The following EEA1 variants were observed in gnomAD, a reference collection of about 807,000 sequenced individuals.
EEA1 encodes the protein early endosome antigen 1.
Under a neutral mutation model 209.2 loss-of-function variants are expected in EEA1, and 111 were observed. That is an observed-to-expected ratio of 0.53 (90% CI 0.45 to 0.62). EEA1 has a LOEUF of 0.62. Ranked by LOEUF, EEA1 falls within the 20% of genes least tolerant of loss-of-function variation. The probability of loss-of-function intolerance (pLI) is 0.00; values close to 1 mark genes in which losing one functional copy is unlikely to be tolerated. For synonymous variants in EEA1, 536 were observed against 540.6 expected, an observed-to-expected ratio of 0.99 and a Z score of 0.12; for missense variants, 1,343 against 1,530.8, an observed-to-expected ratio of 0.88 and a Z score of 2.05.
chr12:92,857,295 A>G lies in EEA1; in HGVS notation c.346T>C (p.Tyr116His). ...ATTACTTGCTGCTGCAGCCCTTGAT[A>G]TTTTTCTAATTCCTTCTTTAATTCT... is the stretch of plus-strand genomic sequence containing the variant. ...SEELKKELEK[Y>H]QGLQQQEAKP... The change falls in exon 5 of 29, where the codon TAT (tyrosine) becomes CAT (histidine). Residue 116 changes from tyrosine to histidine, a missense_variant. Around this residue, in one of 3 missense-constraint regions of EEA1, gnomAD observed 1,307 missense variants for 1,465.5 expected, o/e 0.89. Transcript: ENST00000322349. The G allele has an allele frequency of 3.8e-6, 6 of 1,588,810 alleles. No homozygotes were observed. Among genetic ancestry groups the G allele is most frequent in the Non-Finnish European group, 5.1e-6 (6 of 1,170,898 alleles).
intron 1 of EEA1, among the ~76,000 whole-genome samples, chr12:92,894,078 T>C (rs1879767688): frequency 6.6e-6 from 1 of 152,244 alleles, no homozygotes; most frequent in Admixed American, 6.5e-5. Context: ...TTTCAAGCTT[T>C]TTTATTATTA....
At chr12:92,913,060 G>A (rs538716589) in intron 1 of EEA1, among the ~76,000 whole-genome samples, 1 of 152,304 alleles carries the variant, frequency 6.6e-6, no homozygotes, top group South Asian at 2.1e-4. Context: ...TATATACCCA[G>A]TACTGGGACT....
At chr12:92,787,738 ATT>A in intron 22 of EEA1, 127 bp downstream of exon 22, 1 of 738,180 alleles carries the variant, frequency 1.4e-6, no homozygotes, top group Non-Finnish European at 1.9e-6. Context: ...CAAAATAACA[ATT>A]TAATAGAAAA....
At chr12:92,789,523 T>G (rs1233861531) in intron 21 of EEA1, among the ~76,000 whole-genome samples, 1 of 151,794 alleles carries the variant, frequency 6.6e-6, no homozygotes, top group East Asian at 1.9e-4. Flanking sequence ...TTCCTGAGAG[T>G]AGCCACGAGC....
At chr12:92,835,498 A>C in intron 10 of EEA1, 1 of 224,812 alleles carries the variant, frequency 4.4e-6, no homozygotes, top group Non-Finnish European at 8.2e-6. Context: ...TGCAAGCTCC[A>C]CCTCCCGGGT....
chr12:92,793,578 T>G (rs1178157731), intron 21 of EEA1, among the ~76,000 whole-genome samples: 1 of 152,180 alleles, frequency 6.6e-6, no homozygotes, highest in African/African-American at 2.4e-5. Flanking sequence ...TTACAAGGGA[T>G]GTGAAGGACA....
chr12:92,854,171 C>T (rs536847211), intron 5 of EEA1, among the ~76,000 whole-genome samples: 1 of 152,094 alleles, frequency 6.6e-6, no homozygotes, highest in Non-Finnish European at 1.5e-5. Context: ...TTAGTTCTAA[C>T]ATAGATTTTT....
At position 92,928,945 on chromosome 12, in the gene EEA1, A is replaced by C. The variant is rs535146355; in HGVS notation, c.24+98T>G. 12 of 1,298,564 alleles carry C rather than the reference A, an allele frequency of 9.2e-6. No individual in the cohort carries two copies. In the African/African-American group the frequency reaches 1.2e-4, roughly 13 times the overall value. The allele number at this position is 1,298,564 out of a possible 1,614,324, so 80.4% of individuals were successfully genotyped here. ...CCTGCCGGGCTGTGGGGCCTAGGGA[A>C]GGAAGGAGCCCGCGCTGAGGAGGGG... On this transcript the variant is annotated intron_variant, in intron 1 of 28. Coordinates refer to ENST00000322349, the MANE Select transcript of EEA1 (RefSeq NM_003566.4).
At chr12:92,854,700 C>T (rs1877791768) in intron 5 of EEA1, among the ~76,000 whole-genome samples, 1 of 152,186 alleles carries the variant, frequency 6.6e-6, no homozygotes, top group Admixed American at 6.5e-5. Context: ...GTCTCGGCAG[C>T]CAACACCTAC....
intron 18 of EEA1, among the ~76,000 whole-genome samples, chr12:92,805,781 T>C (rs1875175945): frequency 1.3e-5 from 2 of 152,218 alleles, no homozygotes; most frequent in South Asian, 4.1e-4. Flanking sequence ...TGGCTATATA[T>C]GTTCAGAAGC....
intron 5 of EEA1, among the ~76,000 whole-genome samples, chr12:92,855,167 C>A (rs948746356): frequency 6.6e-6 from 1 of 152,182 alleles, no homozygotes; most frequent in African/African-American, 2.4e-5. Flanking sequence ...CGGTGGCTCA[C>A]GCCTGTAATC....
chr12:92,804,638 G>A (rs1875108407), intron 18 of EEA1, among the ~76,000 whole-genome samples: 1 of 148,840 alleles, frequency 6.7e-6, no homozygotes, highest in Non-Finnish European at 1.5e-5. Context: ...TATTTGGAAA[G>A]TAAACATACT....
intron 13 of EEA1, among the ~76,000 whole-genome samples, chr12:92,820,772 T>C (rs376636693): frequency 6.6e-6 from 1 of 150,870 alleles, no homozygotes. Flanking sequence ...TATATATATA[T>C]ATACACACAC....
intron 1 of EEA1, among the ~76,000 whole-genome samples, chr12:92,927,301 T>C (rs1881250567): frequency 6.6e-6 from 1 of 152,180 alleles, no homozygotes; most frequent in Non-Finnish European, 1.5e-5. Flanking sequence ...AATTATCCAG[T>C]CACAAATGCC....
At chr12:92,884,876 A>G (rs1033623449) in intron 2 of EEA1, among the ~76,000 whole-genome samples, 1 of 151,790 alleles carries the variant, frequency 6.6e-6, no homozygotes, top group African/African-American at 2.4e-5. Context: ...CGAGGACTGT[A>G]TTTGTGACTA....
In EEA1 at chr12:92,905,435, T is replaced by G. The variant is rs1350591835; in HGVS notation, c.25-13714A>C. ...CAACATGGTGAAACCCCATCTCTAC[T>G]AAAAATACACACACACACACACACA... On this transcript the variant is annotated intron_variant, in intron 1 of 28. Transcript: ENST00000322349. The G allele has an allele frequency of 4.9e-5, 5 of 102,224 alleles. No homozygotes were observed. The East Asian group carries it at 2.9e-3, about 60-fold the overall frequency. The allele number at this position is 102,224 out of a possible 1,614,324, so 6.3% of individuals were successfully genotyped here. A position where few individuals can be genotyped will look rare whatever the true frequency, so the allele number is the denominator to read the frequency against.
rs375302640 is a variant in EEA1 at position 92,777,553 on chromosome 12, T to C, written c.4004A>G (p.Gln1335Arg). Reference protein sequence around the residue: ...AAVQELGRENQSLQIKHTQAL... With the variant: ...AAVQELGRENRSLQIKHTQAL... ...CCATAGGTGACTGACCTGAAGTGAT[T>C]GGTTTTCTCTGCCCAGCTCCTGCAC... Residue 1335 changes from glutamine (Q) to arginine (R), a missense_variant, in exon 27 of 29, where the codon CAA (glutamine) becomes CGA (arginine). Coordinates refer to ENST00000322349, the MANE Select transcript of EEA1 (RefSeq NM_003566.4). 4 of 1,611,536 alleles carry C rather than the reference T, an allele frequency of 2.5e-6. No individual in the cohort carries two copies. Among genetic ancestry groups the C allele is most frequent in the Non-Finnish European group, 3.4e-6 (4 of 1,178,426 alleles).
At chr12:92,887,834 A>G (rs1476338447) in intron 2 of EEA1, among the ~76,000 whole-genome samples, 1 of 152,146 alleles carries the variant, frequency 6.6e-6, no homozygotes, top group Non-Finnish European at 1.5e-5. Context: ...TTCAGATGGC[A>G]ATATCAGAAA....
At chr12:92,890,068 GT>G (rs1452003035) in intron 2 of EEA1, among the ~76,000 whole-genome samples, 1 of 152,234 alleles carries the variant, frequency 6.6e-6, no homozygotes, top group African/African-American at 2.4e-5. Flanking sequence ...TATTAGAGAA[GT>G]TTGGCTCTGA....
Sources: allele counts gnomAD v4.1 joint callset (sites outside exome capture counted in the v4.1 genomes callset), GRCh38; gene constraint gnomAD v4.1.1; regional missense constraint gnomAD v4.1.1; transcripts MANE v1.5; gene names NCBI Gene and HGNC (gene_info 2026-07-23, HGNC 2026-07-21).